Variants in COTL1 observed in about 807,000 individuals in gnomAD.
COTL1 encodes the protein coactosin-like protein.
In COTL1, 15 loss-of-function variants were observed where a neutral mutation model predicts 16.5. The observed-to-expected ratio is 0.91, with a 90% CI of 0.61 to 1.40. The LOEUF (loss-of-function observed/expected upper bound fraction) is 1.40, where lower values mean the gene tolerates loss of function less well. COTL1 is among the 40% of genes most tolerant of loss of function. COTL1 has a pLI of 0.00. For synonymous variants in COTL1, 112 were observed against 85.3 expected (o/e 1.31, Z -1.73); for missense variants, 220 against 201.5 (o/e 1.09, Z -0.56).
intron 3 of COTL1, among the ~76,000 whole-genome samples, chr16:84,586,833 G>A (rs547839313): frequency 1.3e-5 from 2 of 152,032 alleles, no homozygotes; most frequent in Non-Finnish European, 2.9e-5. Context: ...TCAGGTGACC[G>A]GCTGCCTTGG....
chr16:84,591,679 T>C, intron 2 of COTL1, among the ~76,000 whole-genome samples: 1 of 132,188 alleles, frequency 7.6e-6, no homozygotes, highest in East Asian at 2.2e-4. Flanking sequence ...AAAAATTAGC[T>C]GGGCACGGTG....
intron 2 of COTL1, chr16:84,596,210 C>T (rs1032856410): frequency 6.6e-6 from 1 of 152,318 alleles, no homozygotes; most frequent in Non-Finnish European, 1.5e-5. Context: ...ATGCCATGAG[C>T]TCCTTCTGCT....
At position 84,617,776 on chromosome 16, in the gene COTL1, G is replaced by C. The variant is rs575551089; in HGVS notation, c.77+62C>G. 4.1e-4 allele frequency: 606 copies of C among 1,490,846 alleles called. 11 individuals carry two copies. The East Asian group carries it at 0.014, about 34-fold the overall frequency. 92.4% of individuals were successfully genotyped at this position (1,490,846 alleles called of 1,614,324 possible). ...ATCCGTCCCGCCTGGAGGCCGGCTC[G>C]GTGCACGAGGCCCCGCGCGAGCCCG... is the stretch of plus-strand genomic sequence containing the variant. On this transcript the variant is annotated intron_variant, in intron 1 of 3. Transcript: ENST00000262428.
intron 2 of COTL1, among the ~76,000 whole-genome samples, chr16:84,604,790 AC>A (rs2150694412): frequency 6.6e-6 from 1 of 151,734 alleles, no homozygotes; most frequent in South Asian, 2.1e-4. Context: ...GGTTCTTTTC[AC>A]CCCTCCCCCA....
At chr16:84,611,420 C>T (rs1905321413) in intron 2 of COTL1, among the ~76,000 whole-genome samples, 1 of 152,214 alleles carries the variant, frequency 6.6e-6, no homozygotes, top group Non-Finnish European at 1.5e-5. Context: ...TTTGGCATTA[C>T]AGTTGTTGTG....
At chr16:84,605,896 T>C (rs1220919449) in intron 2 of COTL1, among the ~76,000 whole-genome samples, 1 of 152,254 alleles carries the variant, frequency 6.6e-6, no homozygotes, top group Non-Finnish European at 1.5e-5. Flanking sequence ...CCCTGGCTAA[T>C]GCCTGGCCTA....
intron 3 of COTL1, among the ~76,000 whole-genome samples, chr16:84,584,748 G>A (rs540068219): frequency 5.9e-5 from 9 of 152,246 alleles, no homozygotes; most frequent in African/African-American, 1.2e-4. Context: ...TACTACTTCC[G>A]GGTCCCAGAA....
In COTL1 at chr16:84,590,149, C is replaced by A. The variant is rs767688568; in HGVS notation, c.274G>T (p.Ala92Ser). 3 of 1,613,992 alleles carry A rather than the reference C, an allele frequency of 1.9e-6. No homozygotes were observed. The Admixed American group carries it at 5.0e-5, about 27-fold the overall frequency. Residue 92 changes from alanine to serine, a missense_variant, in exon 3 of 4, where the codon GCC becomes TCC. Physicochemically the swap from Ala to Ser is moderately conservative, Grantham distance 99 (BLOSUM62 1). Transcript: ENST00000262428. This position sits in a 1 kb window ranked among gnomAD's most constrained non-coding sequence, Gnocchi z 5.5. Reference protein sequence around the residue: ...IGENVSGLQRAKTGTDKTLVK... With the variant: ...IGENVSGLQRSKTGTDKTLVK... Reference sequence around the variant, plus strand: ...AGGGTCTTGTCCGTCCCGGTTTTGGCGCGCTGCAGCCCGCTGACGTTCTCA... The same window carrying A: ...AGGGTCTTGTCCGTCCCGGTTTTGGAGCGCTGCAGCCCGCTGACGTTCTCA...
intron 2 of COTL1, among the ~76,000 whole-genome samples, chr16:84,612,299 T>C (rs1905347389): frequency 6.6e-6 from 1 of 152,118 alleles, no homozygotes; most frequent in Non-Finnish European, 1.5e-5. Context: ...CTTGAACTAC[T>C]GAGCTAAGCA....
intron 3 of COTL1, among the ~76,000 whole-genome samples, chr16:84,572,629 T>C (rs1904357891): frequency 6.6e-6 from 1 of 152,080 alleles, no homozygotes; most frequent in East Asian, 1.9e-4. Flanking sequence ...TCCAGCTGAT[T>C]TTTGTATTTT....
intron 1 of COTL1, 45 bp downstream of exon 1, chr16:84,617,793 G>C (rs1443483752): frequency 6.5e-7 from 1 of 1,530,246 alleles, no homozygotes; most frequent in South Asian, 1.2e-5. Context: ...GAGGCCCCGC[G>C]CGAGCCCGGG....
chr16:84,617,951 C>G lies in COTL1; in HGVS notation c.-37G>C. Reference sequence around the variant, plus strand: ...CGCAGCGGGACACTGTCCGGGGCGGCCGAGCGCGCCCCTGGCCGGCGGCGG... The same window carrying G: ...CGCAGCGGGACACTGTCCGGGGCGGGCGAGCGCGCCCCTGGCCGGCGGCGG... On this transcript the variant is annotated 5_prime_UTR_variant, in exon 1 of 4. Transcript: ENST00000262428. 1 of 1,488,584 alleles carries G rather than the reference C, an allele frequency of 6.7e-7. No individual in the cohort carries two copies. Among genetic ancestry groups the G allele is most frequent in the African/African-American group, 1.5e-5 (1 of 68,612 alleles). 92.2% of individuals were successfully genotyped at this position (1,488,584 alleles called of 1,614,324 possible).
At chr16:84,616,724 C>G (rs988974893) in intron 2 of COTL1, among the ~76,000 whole-genome samples, 1 of 152,166 alleles carries the variant, frequency 6.6e-6, no homozygotes, top group South Asian at 2.1e-4. Flanking sequence ...ATGCCTGCCA[C>G]GTGGTCTTTC....
chr16:84,586,419 C>CCT (rs1567534189), intron 3 of COTL1, among the ~76,000 whole-genome samples: 1 of 152,108 alleles, frequency 6.6e-6, no homozygotes. Flanking sequence ...GAAAAGAGTT[C>CCT]TAGAGAGGAA....
In COTL1 at chr16:84,617,962, C is replaced by T. The variant is rs1458281853; in HGVS notation, c.-48G>A. 4 of 1,403,482 alleles carry T rather than the reference C, an allele frequency of 2.9e-6. No homozygotes were observed. In the East Asian group the frequency reaches 9.0e-5, roughly 32 times the overall value. 86.9% of individuals were successfully genotyped at this position (1,403,482 alleles called of 1,614,324 possible). ...ACTGTCCGGGGCGGCCGAGCGCGCCCCTGGCCGGCGGCGGGGATGGGAGCG... is the reference window on the plus strand; with the variant it reads ...ACTGTCCGGGGCGGCCGAGCGCGCCTCTGGCCGGCGGCGGGGATGGGAGCG... On this transcript the variant is annotated 5_prime_UTR_variant, in exon 1 of 4. Transcript: ENST00000262428.
intron 2 of COTL1, among the ~76,000 whole-genome samples, chr16:84,603,119 G>A (rs1905134551): frequency 6.6e-6 from 1 of 152,134 alleles, no homozygotes; most frequent in African/African-American, 2.4e-5. Context: ...CAGTTCCCCG[G>A]AGGCCTCTCC....
intron 3 of COTL1, among the ~76,000 whole-genome samples, chr16:84,574,190 C>A (rs911254683): frequency 1.2e-4 from 19 of 152,174 alleles, no homozygotes; most frequent in African/African-American, 4.6e-4. Context: ...CAGCAACAAC[C>A]CAGAGAGGGG....
In COTL1 at chr16:84,565,866, G is replaced by A. The variant is rs1384439829; in HGVS notation, c.*979C>T. On this transcript the variant is annotated 3_prime_UTR_variant, in exon 4 of 4. Transcript: ENST00000262428. ...TGCTGTGAGCCCAGGGCTTTGCTCA[G>A]CTCACAGCTAGCGCGGCGGGCAGAG... is the stretch of plus-strand genomic sequence containing the variant. 6.6e-6 allele frequency: 1 copy of A among 152,306 alleles called. No homozygotes were observed. Among genetic ancestry groups the A allele is most frequent in the East Asian group, 1.9e-4 (1 of 5,202 alleles). The allele number at this position is 152,306 out of a possible 1,614,324, so 9.4% of individuals were successfully genotyped here.
intron 2 of COTL1, among the ~76,000 whole-genome samples, chr16:84,601,099 G>C (rs965050107): frequency 1.3e-5 from 2 of 152,152 alleles, no homozygotes; most frequent in Non-Finnish European, 2.9e-5. Flanking sequence ...GCGCCACTGA[G>C]GGGTTCAGCG....
Sources: allele counts gnomAD v4.1 joint callset (sites outside exome capture counted in the v4.1 genomes callset), GRCh38; gene constraint gnomAD v4.1.1; non-coding constraint Gnocchi (gnomAD v3.1); transcripts MANE v1.5; gene names NCBI Gene and HGNC (gene_info 2026-07-23, HGNC 2026-07-21).